The following TTC8 variants were observed in gnomAD, a reference collection of about 807,000 sequenced individuals.
TTC8 encodes tetratricopeptide repeat protein 8.
In TTC8, 47 loss-of-function variants were observed where a neutral mutation model predicts 72.5. The observed-to-expected ratio is 0.65, with a 90% CI of 0.51 to 0.83. TTC8 has a LOEUF of 0.83. Among genes scored for constraint, TTC8 ranks in the 40% least tolerant of loss-of-function variants. TTC8 has a pLI of 0.00. For synonymous variants in TTC8, 199 were observed against 221.4 expected, an observed-to-expected ratio of 0.90 and a Z score of 0.90; for missense variants, 611 against 623.2, an observed-to-expected ratio of 0.98 and a Z score of 0.21.
At chr14:88,846,542 G>A (rs1287796665) in intron 7 of TTC8, 4 of 924,986 alleles carry the variant, frequency 4.3e-6, no homozygotes, top group Non-Finnish European at 4.9e-6. Context: ...GAGTTTAGAA[G>A]CTAGGCAGAT....
At chr14:88,866,762 G>A (rs2141026887) in intron 10 of TTC8, among the ~76,000 whole-genome samples, 1 of 152,242 alleles carries the variant, frequency 6.6e-6, no homozygotes, top group East Asian at 1.9e-4. Flanking sequence ...ATCTGGAATA[G>A]AACACAGTCA....
rs1012113903 is a variant in TTC8 at position 88,867,238 on chromosome 14, GT to G, written c.910-2816del. On this transcript the variant is annotated intron_variant, in intron 10 of 14. Coordinates refer to ENST00000380656, the MANE Select transcript of TTC8 (RefSeq NM_144596.4). ...AGTGCACAAAGATCTGTACAAAGAT[GT>G]TTTTATAGCATGTTTTTTGGTTAAA... Among the ~76,000 whole-genome samples, 57 of 152,104 alleles carry G rather than the reference GT, an allele frequency of 3.7e-4. 1 individual carries two copies. The highest frequency in any genetic ancestry group is 1.3e-3 in the African/African-American group (55 of 41,434).
At chr14:88,869,457 A>G (rs2094924304) in intron 10 of TTC8, among the ~76,000 whole-genome samples, 1 of 152,036 alleles carries the variant, frequency 6.6e-6, no homozygotes, top group Admixed American at 6.6e-5. Flanking sequence ...TCAAAATGCA[A>G]ATATGATTGT....
intron 9 of TTC8, among the ~76,000 whole-genome samples, chr14:88,859,971 T>C (rs1004961330): frequency 7.5e-6 from 1 of 133,090 alleles, no homozygotes; most frequent in Non-Finnish European, 1.7e-5. Context: ...AATATAAATA[T>C]TTTTATATAA....
chr14:88,831,655 A>G (rs2094726664), intron 1 of TTC8, among the ~76,000 whole-genome samples: 1 of 151,804 alleles, frequency 6.6e-6, no homozygotes, highest in African/African-American at 2.4e-5. Flanking sequence ...GTGGTAAGTG[A>G]TAAAAAATGT....
At chr14:88,877,199 A>T in intron 14 of TTC8, 95 bp from the exon 15 acceptor site, 1 of 879,990 alleles carries the variant, frequency 1.1e-6, no homozygotes, top group Non-Finnish European at 1.9e-6. Context: ...TTGAATTTCT[A>T]CAGCATGCAG....
intron 10 of TTC8, 94 bp downstream of exon 10, chr14:88,861,426 T>C: frequency 3.4e-6 from 3 of 887,264 alleles, no homozygotes; most frequent in Non-Finnish European, 3.6e-6. Flanking sequence ...GTATACAATG[T>C]GTAATGATCA....
At chr14:88,859,910 A>T in intron 9 of TTC8, among the ~76,000 whole-genome samples, 1 of 144,038 alleles carries the variant, frequency 6.9e-6, no homozygotes, top group Middle Eastern at 3.6e-3. Flanking sequence ...TAATATAAAT[A>T]TAATAACTAT....
At chr14:88,842,934 A>G (rs17124903) in intron 6 of TTC8, among the ~76,000 whole-genome samples, 58,258 of 151,772 alleles carry the variant, frequency 0.38, 11,342 homozygotes, top group East Asian at 0.5. Flanking sequence ...AACAAATGGA[A>G]GGATTGTTAT....
rs890795245 is a variant in TTC8, at chr14:88,859,883, TTATATAA to T, written c.799-1327_799-1321del. ...ATATATAATATAAATATATTATATA[TTATATAA>T]TATATAATATAATATAAATATAATA... On this transcript the variant is annotated intron_variant, in intron 9 of 14. Coordinates refer to ENST00000380656, the MANE Select transcript of TTC8 (RefSeq NM_144596.4). 1.7e-4 allele frequency among the ~76,000 whole-genome samples: 20 copies of T among 119,256 alleles called. No homozygotes were observed. In the East Asian group the frequency reaches 3.3e-3, roughly 20 times the overall value. The allele number at this position is 119,256 out of a possible 152,430, so 78.2% of individuals were successfully genotyped here.
At chr14:88,831,969 G>C (rs2094727962) in intron 1 of TTC8, among the ~76,000 whole-genome samples, 1 of 152,074 alleles carries the variant, frequency 6.6e-6, no homozygotes, top group East Asian at 1.9e-4. Context: ...TAATTTAGGT[G>C]CCTCCCCCTC....
chr14:88,872,409 A>G lies in TTC8; in HGVS notation c.1304A>G (p.Asn435Ser), dbSNP rs1366769772. The G allele has an allele frequency of 1.9e-6, 3 of 1,614,064 alleles. No homozygotes were observed. Among genetic ancestry groups the G allele is most frequent in the South Asian group, 1.1e-5 (1 of 91,078 alleles). The change falls in exon 13 of 15, where the codon AAC becomes AGC. Residue 435 changes from asparagine to serine, a missense_variant. Physicochemically the swap from Asn to Ser is conservative, Grantham distance 46 (BLOSUM62 1). Coordinates refer to ENST00000380656, the MANE Select transcript of TTC8 (RefSeq NM_144596.4). ...VNNNNHAEAY[N>S]NLAVLEMRKG... The stretch of plus-strand genomic sequence containing the variant: ...AACAACAACCACGCCGAGGCCTACA[A>G]CAACCTGGCTGTGCTGGAGATGCGG...
At chr14:88,824,197 G>A (rs961176904), upstream of TTC8, 1 of 152,628 alleles carries the variant, frequency 6.6e-6, no homozygotes, top group African/African-American at 2.4e-5. Context: ...TAGGACTTTA[G>A]GTCTTGATGG....
intron 10 of TTC8, among the ~76,000 whole-genome samples, chr14:88,867,732 CATTA>C: frequency 6.6e-6 from 1 of 152,174 alleles, no homozygotes; most frequent in Middle Eastern, 3.4e-3. Context: ...TTTCTGTGTC[CATTA>C]ATTAAGTATA....
intron 14 of TTC8, 57 bp downstream of exon 14, chr14:88,875,166 T>TA (rs892186441): frequency 1.7e-4 from 238 of 1,440,850 alleles, no homozygotes; most frequent in Non-Finnish European, 2.2e-4. Flanking sequence ...TTCTTTGTTT[T>TA]AAAAAAAGTA....
chr14:88,844,747 T>G (rs2094798272), intron 7 of TTC8, among the ~76,000 whole-genome samples: 1 of 151,686 alleles, frequency 6.6e-6, no homozygotes. Flanking sequence ...AGACATGCTC[T>G]CCCTATGTTT....
rs560082621 is a variant in TTC8 at position 88,826,247 on chromosome 14, C to T, written c.114+1426C>T. Among the ~76,000 whole-genome samples the T allele has an allele frequency of 5.3e-5, 8 of 151,826 alleles. 1 individual carries two copies. In the South Asian group the frequency reaches 1.7e-3, roughly 32 times the overall value. ...TCGTGATCCGTCTGCCTCGGCCTCC[C>T]AAAGTGTTGGGATTACAGGCATGAG... On this transcript the variant is annotated intron_variant, in intron 1 of 14. Transcript: ENST00000380656.
Position 88,870,130 on chromosome 14 carries a change from A to C in TTC8, c.981A>C (p.Glu327Asp). The C allele has an allele frequency of 6.2e-7, 1 of 1,614,084 alleles. No homozygotes were observed. Among genetic ancestry groups the C allele is most frequent in the South Asian group, 1.1e-5 (1 of 91,088 alleles). ...EVLKQDNTHV[E>D]AIACIGSNHF... Reference sequence around the variant, plus strand: ...TGAAACAAGACAATACTCATGTGGAAGCCATCGCATGCATTGGAAGCAACC... The same window carrying C: ...TGAAACAAGACAATACTCATGTGGACGCCATCGCATGCATTGGAAGCAACC... Residue 327 changes from glutamate (E) to aspartate (D), a missense_variant, in exon 11 of 15, where the codon GAA becomes GAC. Transcript: ENST00000380656.
chr14:88,876,781 CA>C (rs1274902687), intron 14 of TTC8, among the ~76,000 whole-genome samples: 2 of 152,142 alleles, frequency 1.3e-5, no homozygotes, highest in Admixed American at 1.3e-4. Flanking sequence ...TAAAACCTCT[CA>C]AAACATGTTA....
Sources: allele counts gnomAD v4.1 joint callset (sites outside exome capture counted in the v4.1 genomes callset), GRCh38; gene constraint gnomAD v4.1.1; transcripts MANE v1.5; gene names NCBI Gene and HGNC (gene_info 2026-07-23, HGNC 2026-07-21).